Variants in COL22A1 observed in about 807,000 individuals in gnomAD.
COL22A1 encodes collagen alpha-1(XXII) chain.
Under a neutral mutation model 248.9 loss-of-function variants are expected in COL22A1, and 221 were observed. The observed-to-expected ratio is 0.89, with a 90% CI of 0.80 to 0.99. The LOEUF (loss-of-function observed/expected upper bound fraction) is 0.99, where lower values mean the gene tolerates loss of function less well. COL22A1 is among the 50% of genes least tolerant of loss of function. The pLI is 0.00. For missense variants in COL22A1, 2,240 were observed against 2,179.0 expected, an observed-to-expected ratio of 1.03 and a Z score of -0.56; for synonymous variants, 891 against 793.4, an observed-to-expected ratio of 1.12 and a Z score of -2.07.
At chr8:138,753,717 T>A (rs1256965400) in intron 21 of COL22A1, among the ~76,000 whole-genome samples, 1 of 152,232 alleles carries the variant, frequency 6.6e-6, no homozygotes, top group Admixed American at 6.5e-5. Flanking sequence ...TTTTGCTTGA[T>A]ATAAGGTAGG....
At chr8:138,729,276 C>G (rs991666360) in intron 23 of COL22A1, among the ~76,000 whole-genome samples, 1 of 152,168 alleles carries the variant, frequency 6.6e-6, no homozygotes, top group African/African-American at 2.4e-5. Context: ...CGGGTCTCAC[C>G]CTGCTGTTAC....
At chr8:138,629,447 C>A (rs887939377) in intron 50 of COL22A1, among the ~76,000 whole-genome samples, 33 of 152,228 alleles carry the variant, frequency 2.2e-4, no homozygotes, top group Admixed American at 1.5e-3. Flanking sequence ...AGCCACTGTG[C>A]CCGGCCCAGT....
intron 30 of COL22A1, among the ~76,000 whole-genome samples, chr8:138,706,403 C>A (rs1248753856): frequency 6.6e-6 from 1 of 152,174 alleles, no homozygotes; most frequent in Non-Finnish European, 1.5e-5. Flanking sequence ...CACTCCTCAG[C>A]AAATGTGAAA....
chr8:138,680,692 C>T (rs565209842), intron 39 of COL22A1, among the ~76,000 whole-genome samples: 4 of 152,326 alleles, frequency 2.6e-5, no homozygotes, highest in African/African-American at 9.6e-5. Flanking sequence ...CTCTCCCTAG[C>T]TTCCCCTGCT....
At chr8:138,767,040 C>A (rs933675149) in intron 16 of COL22A1, among the ~76,000 whole-genome samples, 12 of 152,236 alleles carry the variant, frequency 7.9e-5, no homozygotes, top group African/African-American at 2.9e-4. Flanking sequence ...AACCCTGGCT[C>A]TCCCACGCTC....
chr8:138,772,926 C>T (rs1834504896), intron 16 of COL22A1, among the ~76,000 whole-genome samples: 1 of 152,192 alleles, frequency 6.6e-6, no homozygotes, highest in South Asian at 2.1e-4. Flanking sequence ...AGAATGTCTT[C>T]AATGTTTCTC....
At chr8:138,716,357 G>A in intron 28 of COL22A1, 68 bp from the exon 29 acceptor site, 1 of 1,082,656 alleles carries the variant, frequency 9.2e-7, no homozygotes. Context: ...TGCAGGCCAT[G>A]TGCTCTCAGT....
intron 45 of COL22A1, among the ~76,000 whole-genome samples, chr8:138,652,740 T>TTTTTTTTG (rs1822868133): frequency 6.3e-5 from 5 of 79,522 alleles, no homozygotes. Flanking sequence ...TTCTGGTTTT[T>TTTTTTTTG]TTTTTTTTTT....
At chr8:138,815,746 A>T (rs1818629086) in intron 7 of COL22A1, among the ~76,000 whole-genome samples, 1 of 152,214 alleles carries the variant, frequency 6.6e-6, no homozygotes, top group South Asian at 2.1e-4. Context: ...AGTGCCGTAC[A>T]ATCGATGGCT....
intron 22 of COL22A1, among the ~76,000 whole-genome samples, chr8:138,745,982 T>C (rs1320266304): frequency 6.6e-6 from 1 of 152,266 alleles, no homozygotes; most frequent in African/African-American, 2.4e-5. Flanking sequence ...TGGTGACTGC[T>C]ACCGCCCTCC....
At chr8:138,742,101 T>C (rs988516354) in intron 22 of COL22A1, among the ~76,000 whole-genome samples, 3 of 151,470 alleles carry the variant, frequency 2.0e-5, no homozygotes, top group African/African-American at 7.3e-5. Flanking sequence ...ATAGTAGCCA[T>C]GGTGATGGTG....
intron 63 of COL22A1, among the ~76,000 whole-genome samples, chr8:138,593,345 T>C (rs1021312132): frequency 6.6e-6 from 1 of 152,096 alleles, no homozygotes; most frequent in Admixed American, 6.5e-5. Context: ...GTATCAAACC[T>C]GCACGTTCAG....
At chr8:138,648,476 C>G (rs1822399206) in intron 46 of COL22A1, among the ~76,000 whole-genome samples, 1 of 152,184 alleles carries the variant, frequency 6.6e-6, no homozygotes, top group South Asian at 2.1e-4. Context: ...GAAAGAGAAT[C>G]TCACCTAAGA....
At chr8:138,736,185 A>G (rs1831098016) in intron 23 of COL22A1, among the ~76,000 whole-genome samples, 1 of 151,792 alleles carries the variant, frequency 6.6e-6, no homozygotes, top group African/African-American at 2.4e-5. Flanking sequence ...AGAGCTGAGC[A>G]CTGGGTTCCT....
intron 52 of COL22A1, among the ~76,000 whole-genome samples, chr8:138,621,950 T>A (rs980874902): frequency 6.6e-6 from 1 of 152,232 alleles, no homozygotes; most frequent in Non-Finnish European, 1.5e-5. Flanking sequence ...TTTGCTCAGT[T>A]GCTACAAGCT....
At chr8:138,609,406 T>C (rs188528968) in intron 56 of COL22A1, among the ~76,000 whole-genome samples, 139 of 152,312 alleles carry the variant, frequency 9.1e-4, no homozygotes, top group African/African-American at 3.3e-3. Context: ...TGCATGGCCA[T>C]GGCCTCATGT....
At chr8:138,636,880 A>G (rs144043612) in intron 47 of COL22A1, 85 bp from the exon 48 acceptor site, 180 of 1,103,140 alleles carry the variant, frequency 1.6e-4, no homozygotes, top group Non-Finnish European at 2.3e-4. Context: ...TCATTCATCC[A>G]TTCATTAATT....
intron 3 of COL22A1, among the ~76,000 whole-genome samples, chr8:138,848,787 T>C (rs544442233): frequency 2.6e-5 from 4 of 152,120 alleles, no homozygotes; most frequent in Admixed American, 6.5e-5. Context: ...ACAGGAGAAA[T>C]GTCTCTGTAT....
intron 30 of COL22A1, among the ~76,000 whole-genome samples, chr8:138,707,456 TCCC>T (rs1268496026): frequency 3.9e-5 from 6 of 152,186 alleles, no homozygotes; most frequent in Non-Finnish European, 8.8e-5. Context: ...ATTGGCTTCA[TCCC>T]TGGGATGCAA....
Sources: gnomAD v4.1 joint callset for allele counts (sites outside exome capture counted in the v4.1 genomes callset) on GRCh38, gnomAD v4.1.1 for gene constraint, MANE v1.5 for transcripts, NCBI Gene and HGNC (gene_info 2026-07-23, HGNC 2026-07-21) for gene names.